Variants in NFXL1 observed in about 807,000 individuals in gnomAD.
The protein encoded by NFXL1 is nuclear transcription factor, X-box binding like 1, also known as NF-X1-type zinc finger protein NFXL1.
Under a neutral mutation model 123.3 loss-of-function variants are expected in NFXL1, and 66 were observed. The ratio of observed to expected loss-of-function variants is 0.54; its 90% CI spans 0.44 to 0.66. The LOEUF (loss-of-function observed/expected upper bound fraction) is 0.66. Ranked by LOEUF, NFXL1 falls within the 30% of genes least tolerant of loss-of-function variation. The probability of loss-of-function intolerance (pLI) is 0.00; values close to 1 mark genes in which losing one functional copy is unlikely to be tolerated. For synonymous variants in NFXL1, 346 were observed against 360.8 expected (o/e 0.96, Z 0.46); for missense variants, 944 against 1,125.6 (o/e 0.84, Z 2.31).
chr4:47,867,258 T>G (rs1318963033), intron 18 of NFXL1, among the ~76,000 whole-genome samples: 1 of 150,550 alleles, frequency 6.6e-6, no homozygotes, highest in Non-Finnish European at 1.5e-5. Flanking sequence ...AAAATTAAGA[T>G]AAAATTACAT....
chr4:47,897,897 G>T, intron 9 of NFXL1, 70 bp downstream of exon 9: 1 of 939,290 alleles, frequency 1.1e-6, no homozygotes, highest in Non-Finnish European at 1.6e-6. Context: ...CCTGGAGGAC[G>T]TCTTTTGAAT....
At chr4:47,856,068 C>T (rs2110032487) in intron 19 of NFXL1, among the ~76,000 whole-genome samples, 1 of 151,968 alleles carries the variant, frequency 6.6e-6, no homozygotes, top group Middle Eastern at 3.4e-3. Flanking sequence ...TTTTTAGGCA[C>T]TTCATATATT....
intron 3 of NFXL1, among the ~76,000 whole-genome samples, chr4:47,906,329 C>T (rs1349233390): frequency 1.3e-5 from 2 of 152,164 alleles, no homozygotes; most frequent in South Asian, 2.1e-4. Flanking sequence ...AAGTACAGAA[C>T]TTACCATGGC....
At chr4:47,883,237 T>C (rs1736222125) in intron 15 of NFXL1, among the ~76,000 whole-genome samples, 1 of 150,980 alleles carries the variant, frequency 6.6e-6, no homozygotes, top group South Asian at 2.1e-4. Context: ...GGAGACTCCG[T>C]CTCAAAGAAA....
chr4:47,879,045 T>C (rs554563729), intron 16 of NFXL1, 51 bp downstream of exon 16: 4 of 1,064,982 alleles, frequency 3.8e-6, no homozygotes, highest in African/African-American at 1.7e-5. Context: ...TATACTAGTA[T>C]GTAACAGTAT....
Position 47,896,622 on chromosome 4 carries a change from A to G in NFXL1, c.1230T>C (p.Asp410=). The change falls in exon 10 of 23, where the codon GAT becomes GAC. Residue 410 remains aspartate, a synonymous_variant. Coordinates refer to ENST00000507489, the MANE Select transcript of NFXL1 (RefSeq NM_001278624.2). ...KSKFSLPCTE[D]VPTCGDSCDK... is the part of the protein sequence containing the mutation. ...CACAACTGTCTCCACAAGTTGGTAC[A>G]TCTTCTGTACAAGGCAAAGAAAACT... is the stretch of plus-strand genomic sequence containing the variant. 1 of 1,610,362 alleles carries G rather than the reference A, an allele frequency of 6.2e-7. No homozygotes were observed. Among genetic ancestry groups the G allele is most frequent in the Non-Finnish European group, 8.5e-7 (1 of 1,176,714 alleles).
intron 2 of NFXL1, among the ~76,000 whole-genome samples, chr4:47,913,100 CT>C (rs1348024512): frequency 1.3e-5 from 2 of 151,306 alleles, no homozygotes; most frequent in African/African-American, 4.9e-5. Flanking sequence ...TAACTGCATG[CT>C]AAGAGAATAC....
chr4:47,896,043 A>G (rs1737065983), intron 10 of NFXL1, among the ~76,000 whole-genome samples: 1 of 152,196 alleles, frequency 6.6e-6, no homozygotes, highest in African/African-American at 2.4e-5. Flanking sequence ...TGGTCAGTAG[A>G]GCAGTCAGAA....
intron 10 of NFXL1, 140 bp downstream of exon 10, chr4:47,896,383 A>C (rs1339777024): frequency 2.4e-5 from 14 of 582,644 alleles, no homozygotes; most frequent in Non-Finnish European, 2.6e-5. Context: ...TTCTTATCCT[A>C]ATATTAGGTC....
Position 47,913,995 on chromosome 4 carries a change from T to C in NFXL1, c.209A>G (p.Gln70Arg), listed in dbSNP as rs936689690. The change falls in exon 2 of 23, where the codon CAA (glutamine) becomes CGA (arginine). Residue 70 changes from glutamine (Q) to arginine (R), a missense_variant. Gln to Arg is a conservative substitution (Grantham distance 43). Around this residue, in one of 4 missense-constraint regions of NFXL1, gnomAD observed 303 missense variants for 292.1 expected, o/e 1.04. Coordinates refer to ENST00000507489, the MANE Select transcript of NFXL1 (RefSeq NM_001278624.2). ...GCTGGCTGCGGTAGTCTGCAGGGCT[T>C]GGGATCCTGCGGGGCTGTGCCTGCT... ...AGSRHSPAGS[Q>R]ALQTTAASEL... The C allele has an allele frequency of 2.6e-6, 4 of 1,547,704 alleles. No individual in the cohort carries two copies. The highest frequency in any genetic ancestry group is 2.0e-5 in the Admixed American group (1 of 50,974).
chr4:47,896,617 G>T lies in NFXL1; in HGVS notation c.1235C>A (p.Pro412Gln). 1 of 1,609,884 alleles carries T rather than the reference G, an allele frequency of 6.2e-7. No individual in the cohort carries two copies. The highest frequency in any genetic ancestry group is 8.5e-7 in the Non-Finnish European group (1 of 1,176,462). ...KFSLPCTEDV[P>Q]TCGDSCDKVL... ...TTTGTCACAACTGTCTCCACAAGTT[G>T]GTACATCTTCTGTACAAGGCAAAGA... The change falls in exon 10 of 23, where the codon CCA (proline) becomes CAA (glutamine). Residue 412 changes from proline to glutamine, a missense_variant. Transcript: ENST00000507489.
intron 17 of NFXL1, 28 bp from the exon 18 acceptor site, chr4:47,875,321 C>G (rs772252618): frequency 1.3e-6 from 2 of 1,579,208 alleles, no homozygotes; most frequent in African/African-American, 1.4e-5. Context: ...AATAAATCAC[C>G]TAAGTACAAG....
intron 22 of NFXL1, among the ~76,000 whole-genome samples, chr4:47,849,076 T>C (rs2110018966): frequency 6.6e-6 from 1 of 152,290 alleles, no homozygotes; most frequent in Admixed American, 6.5e-5. Flanking sequence ...ATAATTCTAG[T>C]TGTTTACAAT....
At position 47,914,529 on chromosome 4, in the gene NFXL1, G is replaced by C; in HGVS notation, c.-167C>G. 1 of 289,702 alleles carries C rather than the reference G, an allele frequency of 3.5e-6. No individual in the cohort carries two copies. The highest frequency in any genetic ancestry group is 6.5e-6 in the Non-Finnish European group (1 of 154,208). 17.9% of individuals were successfully genotyped at this position (289,702 alleles called of 1,614,324 possible). A position where few individuals can be genotyped will look rare whatever the true frequency, so the allele number is the denominator to read the frequency against. ...CCTCAGCCTCTGCGGGAGCGTGGTA[G>C]GGGAAGAGTCACAGACTGACCCTGC... On this transcript the variant is annotated 5_prime_UTR_variant, in exon 1 of 23. Transcript: ENST00000507489.
intron 19 of NFXL1, among the ~76,000 whole-genome samples, chr4:47,860,942 T>A (rs940587098): frequency 6.6e-6 from 1 of 151,580 alleles, no homozygotes; most frequent in African/African-American, 2.4e-5. Context: ...AACTTCCGCC[T>A]CCTGGGTTCA....
intron 18 of NFXL1, among the ~76,000 whole-genome samples, chr4:47,871,568 T>C (rs554484215): frequency 6.6e-6 from 1 of 152,278 alleles, no homozygotes; most frequent in South Asian, 2.1e-4. Flanking sequence ...GAATCATCAA[T>C]GGATGCTAAA....
intron 3 of NFXL1, among the ~76,000 whole-genome samples, chr4:47,907,957 C>T (rs1438493786): frequency 6.6e-6 from 1 of 152,176 alleles, no homozygotes; most frequent in Non-Finnish European, 1.5e-5. Context: ...CTAGACTTCT[C>T]AGCCAAACTT....
chr4:47,891,499 C>A (rs550053464), intron 11 of NFXL1, among the ~76,000 whole-genome samples: 3 of 152,148 alleles, frequency 2.0e-5, no homozygotes, highest in Non-Finnish European at 4.4e-5. Context: ...TTCTTTGTCA[C>A]TTCCCTGGTT....
intron 18 of NFXL1, among the ~76,000 whole-genome samples, chr4:47,873,798 C>G (rs896335781): frequency 1.3e-5 from 2 of 152,210 alleles, no homozygotes; most frequent in African/African-American, 4.8e-5. Flanking sequence ...TGACTTCTCT[C>G]TAACTATGAA....
Sources: gnomAD v4.1 joint callset for allele counts (sites outside exome capture counted in the v4.1 genomes callset) on GRCh38, gnomAD v4.1.1 for gene constraint, gnomAD v4.1.1 regional missense constraint, MANE v1.5 for transcripts, NCBI Gene and HGNC (gene_info 2026-07-23, HGNC 2026-07-21) for gene names.